The following TCERG1L variants were observed in gnomAD, a reference collection of about 807,000 sequenced individuals.
TCERG1L encodes the protein transcription elongation regulator 1 like, also known as transcription elongation regulator 1-like protein.
In TCERG1L, 37 loss-of-function variants were observed where a neutral mutation model predicts 56.3. The observed-to-expected ratio is 0.66, with a 90% CI of 0.51 to 0.87. The LOEUF is 0.87. Ranked by LOEUF, TCERG1L falls within the 40% of genes least tolerant of loss-of-function variation. The pLI is 0.00. For missense variants in TCERG1L, 799 were observed against 774.2 expected, an observed-to-expected ratio of 1.03 and a Z score of -0.38; for synonymous variants, 324 against 326.3, an observed-to-expected ratio of 0.99 and a Z score of 0.08.
rs577285947 is a variant in TCERG1L at position 131,132,952 on chromosome 10, G to A, written c.1259+1427C>T. ...CACGTGCTGTGGGGCCAGGCGGCAG[G>A]AGCACTGGGGGAGAAGAGCCCTTTA... On this transcript the variant is annotated intron_variant, in intron 8 of 11. Coordinates refer to ENST00000368642, the MANE Select transcript of TCERG1L (RefSeq NM_174937.4). Among the ~76,000 whole-genome samples, 94 of 152,222 alleles carry A rather than the reference G, an allele frequency of 6.2e-4. 1 individual carries two copies. Among genetic ancestry groups the A allele is most frequent in the Admixed American group, 1.3e-3 (20 of 15,292 alleles).
intron 4 of TCERG1L, among the ~76,000 whole-genome samples, chr10:131,167,828 C>G (rs1846048872): frequency 6.6e-6 from 1 of 152,090 alleles, no homozygotes; most frequent in African/African-American, 2.4e-5. Flanking sequence ...TTTGTCTTCT[C>G]CAAAAATGTC....
At chr10:131,262,568 T>G (rs1316765977) in intron 3 of TCERG1L, among the ~76,000 whole-genome samples, 5 of 152,188 alleles carry the variant, frequency 3.3e-5, no homozygotes, top group African/African-American at 1.2e-4. Context: ...AGTTCCCTAA[T>G]GGATGCCTCC....
At chr10:131,172,166 C>T (rs925547587) in intron 4 of TCERG1L, among the ~76,000 whole-genome samples, 1 of 152,158 alleles carries the variant, frequency 6.6e-6, no homozygotes, top group Non-Finnish European at 1.5e-5. Context: ...CCCAAAGGAA[C>T]TGGAGTTGCA....
intron 4 of TCERG1L, among the ~76,000 whole-genome samples, chr10:131,248,393 C>T (rs966824326): frequency 2.6e-5 from 4 of 152,118 alleles, no homozygotes; most frequent in Admixed American, 6.5e-5. Flanking sequence ...GCACTGAGGC[C>T]GTATTAATTA....
chr10:131,142,441 C>T (rs180986727), intron 7 of TCERG1L, among the ~76,000 whole-genome samples: 94 of 152,348 alleles, frequency 6.2e-4, no homozygotes, highest in Middle Eastern at 3.4e-3. Flanking sequence ...GTTTACTCAC[C>T]GGACAATTTT....
chr10:131,097,449 G>A (rs1468114301), intron 11 of TCERG1L, among the ~76,000 whole-genome samples: 17 of 152,078 alleles, frequency 1.1e-4, no homozygotes, highest in Admixed American at 5.2e-4. Context: ...CCAGGTTTAC[G>A]CCATTCTCCT....
intron 4 of TCERG1L, among the ~76,000 whole-genome samples, chr10:131,167,787 G>A (rs1185584107): frequency 6.6e-6 from 1 of 152,206 alleles, no homozygotes; most frequent in Admixed American, 6.5e-5. Flanking sequence ...GGGAGGAAGG[G>A]ATTCTGCAAA....
At chr10:131,187,041 C>T (rs1845251912) in intron 4 of TCERG1L, among the ~76,000 whole-genome samples, 1 of 152,216 alleles carries the variant, frequency 6.6e-6, no homozygotes, top group Non-Finnish European at 1.5e-5. Context: ...GTCCTTCCAG[C>T]CCACTCTCTC....
chr10:131,128,531 G>A (rs984462557), intron 8 of TCERG1L, among the ~76,000 whole-genome samples: 4 of 152,186 alleles, frequency 2.6e-5, no homozygotes, highest in African/African-American at 9.7e-5. Context: ...AACATCAGCT[G>A]TGTTTACATC....
intron 7 of TCERG1L, among the ~76,000 whole-genome samples, chr10:131,135,802 G>C (rs1845670054): frequency 6.6e-6 from 1 of 152,254 alleles, no homozygotes; most frequent in Non-Finnish European, 1.5e-5. Flanking sequence ...CCCTGTGTGG[G>C]TGCTCCACCC....
At chr10:131,182,807 T>C (rs781588622) in intron 4 of TCERG1L, among the ~76,000 whole-genome samples, 54 of 152,266 alleles carry the variant, frequency 3.5e-4, no homozygotes, top group Non-Finnish European at 1.3e-4. Flanking sequence ...AGTTCTCATC[T>C]CAGTTGATAA....
intron 4 of TCERG1L, among the ~76,000 whole-genome samples, chr10:131,217,632 G>A (rs999709337): frequency 5.3e-5 from 8 of 151,282 alleles, no homozygotes; most frequent in Non-Finnish European, 8.8e-5. Flanking sequence ...GGCCAGGCAA[G>A]GCCCAGGGAA....
At chr10:131,266,709 A>C (rs972918218) in intron 3 of TCERG1L, among the ~76,000 whole-genome samples, 5 of 152,024 alleles carry the variant, frequency 3.3e-5, no homozygotes, top group Non-Finnish European at 7.4e-5. Context: ...CTCAGCAGAG[A>C]GGGTAGCTTC....
At chr10:131,181,304 A>G (rs897856660) in intron 4 of TCERG1L, among the ~76,000 whole-genome samples, 3 of 152,202 alleles carry the variant, frequency 2.0e-5, no homozygotes, top group Non-Finnish European at 4.4e-5. Context: ...GGCTAGGATG[A>G]GACAGCACCA....
intron 4 of TCERG1L, among the ~76,000 whole-genome samples, chr10:131,256,838 C>G (rs1034523511): frequency 6.6e-6 from 1 of 150,766 alleles, no homozygotes; most frequent in Admixed American, 6.6e-5. Flanking sequence ...GAGCCGAGAC[C>G]GCACCACTGC....
chr10:131,138,861 G>A (rs1845702209), intron 7 of TCERG1L, among the ~76,000 whole-genome samples: 1 of 152,038 alleles, frequency 6.6e-6, no homozygotes, highest in Non-Finnish European at 1.5e-5. Context: ...TTACCACAGT[G>A]AGAAAAAAAA....
intron 5 of TCERG1L, chr10:131,164,193 T>G (rs1291924497): frequency 7.1e-6 from 1 of 140,230 alleles, no homozygotes; most frequent in South Asian, 2.4e-4. Context: ...AAAATGAAGA[T>G]CTATGCCCTA....
intron 4 of TCERG1L, among the ~76,000 whole-genome samples, chr10:131,225,921 A>G (rs566091946): frequency 5.1e-4 from 78 of 152,334 alleles, no homozygotes; most frequent in South Asian, 2.7e-3. Context: ...CCTAGACGCC[A>G]GGGTCAATTT....
chr10:131,093,064 T>A lies in TCERG1L; in HGVS notation c.*98A>T. 1 of 1,369,680 alleles carries A rather than the reference T, an allele frequency of 7.3e-7. No homozygotes were observed. The highest frequency in any genetic ancestry group is 1.4e-5 in the South Asian group (1 of 73,144). 84.8% of individuals were successfully genotyped at this position (1,369,680 alleles called of 1,614,324 possible). Reference sequence around the variant, plus strand: ...GCCGGTGCCCGCTGGGCCGTGCAGGTCTCGGCCGCCCCACGCCCGTGTCCG... The same window carrying A: ...GCCGGTGCCCGCTGGGCCGTGCAGGACTCGGCCGCCCCACGCCCGTGTCCG... On this transcript the variant is annotated 3_prime_UTR_variant, in exon 12 of 12. Coordinates refer to ENST00000368642, the MANE Select transcript of TCERG1L (RefSeq NM_174937.4).
Sources: allele counts gnomAD v4.1 joint callset (sites outside exome capture counted in the v4.1 genomes callset), GRCh38; gene constraint gnomAD v4.1.1; transcripts MANE v1.5; gene names NCBI Gene and HGNC (gene_info 2026-07-23, HGNC 2026-07-21).